The following BCKDHB variants were observed in gnomAD, a reference collection of about 807,000 sequenced individuals.
BCKDHB encodes 2-oxoisovalerate dehydrogenase subunit beta, mitochondrial.
A neutral mutation model predicts 48.5 loss-of-function variants in BCKDHB; 41 were observed. That is an observed-to-expected ratio of 0.85 (90% CI 0.66 to 1.10). The LOEUF (loss-of-function observed/expected upper bound fraction) is 1.10. Among genes scored for constraint, BCKDHB ranks in the 50% least tolerant of loss-of-function variants. The probability of loss-of-function intolerance (pLI) is 0.00; values close to 1 mark genes in which losing one functional copy is unlikely to be tolerated. For synonymous variants in BCKDHB, 201 were observed against 174.8 expected, an observed-to-expected ratio of 1.15 and a Z score of -1.18; for missense variants, 496 against 494.2, an observed-to-expected ratio of 1.00 and a Z score of -0.03.
intron 8 of BCKDHB, among the ~76,000 whole-genome samples, chr6:80,263,097 T>C (rs1367661368): frequency 6.6e-6 from 1 of 152,206 alleles, no homozygotes; most frequent in African/African-American, 2.4e-5. Context: ...TATTATTGTA[T>C]CTTCTCACTA....
intron 3 of BCKDHB, among the ~76,000 whole-genome samples, chr6:80,139,232 A>G (rs1771058635): frequency 6.6e-6 from 1 of 151,456 alleles, no homozygotes; most frequent in South Asian, 2.1e-4. Context: ...AGTTGTGAAA[A>G]TTTTCTCCCA....
intron 8 of BCKDHB, among the ~76,000 whole-genome samples, chr6:80,230,274 G>A (rs973832284): frequency 1.3e-5 from 2 of 151,386 alleles, no homozygotes; most frequent in East Asian, 1.9e-4. Context: ...TCCTGACCTC[G>A]TGATCCGCCC....
chr6:80,242,774 A>G (rs780346710), intron 8 of BCKDHB, among the ~76,000 whole-genome samples: 3 of 152,208 alleles, frequency 2.0e-5, no homozygotes, highest in South Asian at 2.1e-4. Flanking sequence ...GGTGGGGACT[A>G]TTGACTAACA....
intron 1 of BCKDHB, among the ~76,000 whole-genome samples, chr6:80,121,055 G>C (rs1769988725): frequency 6.6e-6 from 1 of 152,136 alleles, no homozygotes; most frequent in African/African-American, 2.4e-5. Context: ...TGTAAGGAAG[G>C]GATCCAGTTT....
chr6:80,230,385 T>C (rs1000713201), intron 8 of BCKDHB, among the ~76,000 whole-genome samples: 1 of 152,072 alleles, frequency 6.6e-6, no homozygotes, highest in Non-Finnish European at 1.5e-5. Context: ...ATATAAAAAA[T>C]ACATGCCCCA....
intron 9 of BCKDHB, among the ~76,000 whole-genome samples, chr6:80,291,712 G>A (rs1243079913): frequency 6.6e-6 from 1 of 152,032 alleles, no homozygotes; most frequent in Admixed American, 6.6e-5. Context: ...GGAGTAAGCA[G>A]GGTTAGTCTA....
intron 8 of BCKDHB, among the ~76,000 whole-genome samples, chr6:80,239,272 G>C (rs1398068587): frequency 5.3e-5 from 8 of 152,096 alleles, no homozygotes; most frequent in African/African-American, 1.7e-4. Context: ...GTTGTTTCCT[G>C]ACTTTTTAAT....
At chr6:80,426,071 C>T in the BCKDHB span, among the ~76,000 whole-genome samples, 1 of 152,208 alleles carries the variant, frequency 6.6e-6, no homozygotes, top group Non-Finnish European at 1.5e-5. Context: ...CTAATCACCA[C>T]ACTTTGCTGT....
At position 80,343,056 on chromosome 6, in the gene BCKDHB, G is replaced by A. The variant is rs111729657; in HGVS notation, c.1039-608G>A. ...GTGCTGTCAAGGAAGGCTTCCCAGC[G>A]GGAGTGATTCCTCAGGTAATAACCT... On this transcript the variant is annotated intron_variant, in intron 9 of 9. Transcript: ENST00000320393. 1.8e-3 allele frequency among the ~76,000 whole-genome samples: 276 copies of A among 152,264 alleles called. 2 individuals carry two copies. The highest frequency in any genetic ancestry group is 6.4e-3 in the African/African-American group (264 of 41,538).
intron 1 of BCKDHB, among the ~76,000 whole-genome samples, chr6:80,119,569 C>A (rs929244630): frequency 6.6e-6 from 1 of 152,100 alleles, no homozygotes; most frequent in Non-Finnish European, 1.5e-5. Flanking sequence ...GATCCGCACC[C>A]CCCTTGGCCT....
At chr6:80,393,808 C>G in the BCKDHB span, among the ~76,000 whole-genome samples, 1 of 152,206 alleles carries the variant, frequency 6.6e-6, no homozygotes, top group Admixed American at 6.5e-5. Context: ...TGAACCACTT[C>G]TTTCCTGGAC....
chr6:80,134,299 G>A lies in BCKDHB; in HGVS notation c.343+5070G>A, dbSNP rs138822126. ...ACTGTATCCATTCCTTTACACCACA[G>A]GTGTGGCCTGTCATAGCAGCTTGGG... On this transcript the variant is annotated intron_variant, in intron 3 of 9. Transcript: ENST00000320393. Among the ~76,000 whole-genome samples, 265 of 152,274 alleles carry A rather than the reference G, an allele frequency of 1.7e-3. 1 individual carries two copies. The highest frequency in any genetic ancestry group is 6.0e-3 in the African/African-American group (251 of 41,548).
chr6:80,109,947 C>T (rs960614596), intron 1 of BCKDHB, among the ~76,000 whole-genome samples: 8 of 152,168 alleles, frequency 5.3e-5, no homozygotes, highest in East Asian at 1.9e-4. Context: ...TCCAAAGCCT[C>T]CCACACTACT....
chr6:80,137,678 G>T (rs1388460590), intron 3 of BCKDHB, among the ~76,000 whole-genome samples: 1 of 152,058 alleles, frequency 6.6e-6, no homozygotes, highest in East Asian at 1.9e-4. Flanking sequence ...AGATATTTTT[G>T]GTTGTCATAC....
chr6:80,226,775 G>A (rs1775697438), intron 8 of BCKDHB, among the ~76,000 whole-genome samples: 2 of 152,102 alleles, frequency 1.3e-5, no homozygotes, highest in Non-Finnish European at 2.9e-5. Context: ...AGGATAACAC[G>A]ATACACTCTT....
intron 9 of BCKDHB, among the ~76,000 whole-genome samples, chr6:80,305,723 C>T (rs1416643019): frequency 6.6e-6 from 1 of 152,144 alleles, no homozygotes; most frequent in Non-Finnish European, 1.5e-5. Context: ...GTCTCTGTCC[C>T]TTAAGAGACC....
At chr6:80,182,999 TTA>T in intron 6 of BCKDHB, among the ~76,000 whole-genome samples, 1 of 152,280 alleles carries the variant, frequency 6.6e-6, no homozygotes, top group East Asian at 1.9e-4. Flanking sequence ...CCTTTCCCTA[TTA>T]TGGAACAACG....
chr6:80,299,055 A>G (rs543455427), intron 9 of BCKDHB, among the ~76,000 whole-genome samples: 1 of 116,770 alleles, frequency 8.6e-6, no homozygotes, highest in East Asian at 2.8e-4. Flanking sequence ...CTTAACTGAG[A>G]GGTACTTTAC....
intron 8 of BCKDHB, among the ~76,000 whole-genome samples, chr6:80,235,574 C>G (rs1038229782): frequency 6.6e-6 from 1 of 152,120 alleles, no homozygotes; most frequent in African/African-American, 2.4e-5. Context: ...CTAGGTTAAT[C>G]TGATATTAAA....
Sources: allele counts gnomAD v4.1 joint callset (sites outside exome capture counted in the v4.1 genomes callset), GRCh38; gene constraint gnomAD v4.1.1; transcripts MANE v1.5; gene names NCBI Gene and HGNC (gene_info 2026-07-23, HGNC 2026-07-21).